Variants in SKAP1 observed in about 807,000 individuals in gnomAD.
SKAP1 encodes the protein src kinase associated phosphoprotein 1, also known as src kinase-associated phosphoprotein 1.
SKAP1 carries 44 observed loss-of-function variants against 58.5 expected under a neutral mutation model. The ratio of observed to expected loss-of-function variants is 0.75; its 90% CI spans 0.59 to 0.97. The LOEUF (loss-of-function observed/expected upper bound fraction) is 0.97, where lower values mean the gene tolerates loss of function less well. SKAP1 is among the 50% of genes least tolerant of loss of function. The pLI is 0.00. For missense variants in SKAP1, 390 were observed against 435.2 expected (o/e 0.90, Z 0.92); for synonymous variants, 127 against 149.7 (o/e 0.85, Z 1.11).
At chr17:48,298,551 T>C (rs1320169083) in intron 4 of SKAP1, among the ~76,000 whole-genome samples, 1 of 152,242 alleles carries the variant, frequency 6.6e-6, no homozygotes. Context: ...TTATATTTCT[T>C]ATGCATCTTA....
At chr17:48,264,174 A>C (rs2065515948) in intron 4 of SKAP1, among the ~76,000 whole-genome samples, 1 of 149,442 alleles carries the variant, frequency 6.7e-6, no homozygotes, top group South Asian at 2.1e-4. Flanking sequence ...GTATTTTCTA[A>C]AGCATTTGAT....
chr17:48,247,586 A>G (rs1192962167), intron 4 of SKAP1, among the ~76,000 whole-genome samples: 1 of 152,212 alleles, frequency 6.6e-6, no homozygotes, highest in Non-Finnish European at 1.5e-5. Context: ...TTGACTAAAT[A>G]TCATTTCACG....
chr17:48,341,226 CATG>C (rs2066647071), intron 4 of SKAP1, among the ~76,000 whole-genome samples: 1 of 152,120 alleles, frequency 6.6e-6, no homozygotes, highest in South Asian at 2.1e-4. Context: ...TCCCAGATTC[CATG>C]ATACTAACTT....
intron 4 of SKAP1, among the ~76,000 whole-genome samples, chr17:48,265,597 T>C (rs2065537627): frequency 6.6e-6 from 1 of 152,212 alleles, no homozygotes; most frequent in Non-Finnish European, 1.5e-5. Context: ...AATTATTTTT[T>C]AAGCATATTG....
chr17:48,157,900 G>A (rs2064002083), intron 11 of SKAP1, among the ~76,000 whole-genome samples: 1 of 150,488 alleles, frequency 6.6e-6, no homozygotes, highest in Non-Finnish European at 1.5e-5. Flanking sequence ...AGGGATAGCC[G>A]GACATGGTGG....
chr17:48,426,139 C>T (rs1252004264), intron 1 of SKAP1, among the ~76,000 whole-genome samples: 6 of 152,156 alleles, frequency 3.9e-5, no homozygotes, highest in Non-Finnish European at 7.4e-5. Context: ...TATACTGAAA[C>T]GGATTTTATG....
intron 4 of SKAP1, among the ~76,000 whole-genome samples, chr17:48,263,294 T>C (rs1009070173): frequency 2.6e-5 from 4 of 152,190 alleles, no homozygotes; most frequent in Non-Finnish European, 5.9e-5. Context: ...TTAAAACATT[T>C]TTAATGGAGT....
At chr17:48,225,960 G>C (rs186027076) in intron 4 of SKAP1, among the ~76,000 whole-genome samples, 40 of 152,316 alleles carry the variant, frequency 2.6e-4, no homozygotes, top group Middle Eastern at 6.8e-3. Flanking sequence ...ATGTATAGCT[G>C]ATGTCACTTG....
intron 11 of SKAP1, among the ~76,000 whole-genome samples, chr17:48,145,128 G>A (rs1478394727): frequency 6.6e-6 from 1 of 152,034 alleles, no homozygotes; most frequent in African/African-American, 2.4e-5. Context: ...TCTAAAATAA[G>A]CACAGTGTAT....
chr17:48,200,366 C>T (rs2064712106), intron 4 of SKAP1, among the ~76,000 whole-genome samples: 1 of 151,500 alleles, frequency 6.6e-6, no homozygotes. Context: ...AAGATTGGGC[C>T]ATTCTTTCTT....
intron 4 of SKAP1, among the ~76,000 whole-genome samples, chr17:48,213,266 C>T (rs1271961631): frequency 2.0e-5 from 3 of 149,906 alleles, no homozygotes; most frequent in Admixed American, 6.8e-5. Context: ...CGCTTGAACC[C>T]GTGCTTGAAC....
chr17:48,229,401 G>A (rs1034766869), intron 4 of SKAP1, among the ~76,000 whole-genome samples: 1 of 151,934 alleles, frequency 6.6e-6, no homozygotes, highest in Non-Finnish European at 1.5e-5. Context: ...TGGGCAGATC[G>A]CCTGAGGTCA....
At chr17:48,213,890 C>T (rs1301125789) in intron 4 of SKAP1, among the ~76,000 whole-genome samples, 1 of 152,200 alleles carries the variant, frequency 6.6e-6, no homozygotes, top group African/African-American at 2.4e-5. Context: ...AAACACGGCT[C>T]AGCACCTGCA....
intron 4 of SKAP1, among the ~76,000 whole-genome samples, chr17:48,205,303 G>GTT (rs2064796154): frequency 6.6e-6 from 1 of 151,770 alleles, no homozygotes; most frequent in Admixed American, 6.6e-5. Context: ...TCGAGACAGG[G>GTT]TTTAGCTATG....
the SKAP1 span, among the ~76,000 whole-genome samples, chr17:48,439,127 A>G: frequency 2.0e-5 from 3 of 152,212 alleles, no homozygotes; most frequent in Admixed American, 2.0e-4. Flanking sequence ...GTAAATTCCT[A>G]AAGAAAAGTG....
chr17:48,305,552 C>T (rs9902082), intron 4 of SKAP1, among the ~76,000 whole-genome samples: 14,038 of 152,150 alleles, frequency 0.092, 975 homozygotes, highest in African/African-American at 0.17. Flanking sequence ...AAGTCTAAAG[C>T]TAGATTAGCT....
intron 4 of SKAP1, among the ~76,000 whole-genome samples, chr17:48,202,655 G>C (rs975869007): frequency 6.6e-5 from 10 of 152,124 alleles, no homozygotes; most frequent in Admixed American, 6.5e-4. Context: ...AAATGAGGGT[G>C]ATGTTTCTAA....
chr17:48,415,464 G>A (rs549987191), intron 1 of SKAP1, among the ~76,000 whole-genome samples: 45 of 152,182 alleles, frequency 3.0e-4, no homozygotes, highest in African/African-American at 1.0e-3. Context: ...TTTTATTCTC[G>A]TTTTACTTCA....
At chr17:48,336,738 G>T (rs2066576227) in intron 4 of SKAP1, among the ~76,000 whole-genome samples, 1 of 152,130 alleles carries the variant, frequency 6.6e-6, no homozygotes, top group Non-Finnish European at 1.5e-5. Context: ...GAATTCATTA[G>T]AAGGGCTAGA....
Sources: gnomAD v4.1 joint callset for allele counts (sites outside exome capture counted in the v4.1 genomes callset) on GRCh38, gnomAD v4.1.1 for gene constraint, MANE v1.5 for transcripts, NCBI Gene and HGNC (gene_info 2026-07-23, HGNC 2026-07-21) for gene names.